RALYL: variants seen among roughly 807,000 people sequenced by gnomAD.
RALYL encodes the protein RNA-binding Raly-like protein.
In RALYL, 29 loss-of-function variants were observed where a neutral mutation model predicts 35.1. The observed-to-expected ratio is 0.83, with a 90% CI of 0.61 to 1.13. The LOEUF (loss-of-function observed/expected upper bound fraction) is 1.13. Ranked by LOEUF, RALYL falls within the 50% of genes most tolerant of loss-of-function variation. The pLI is 0.00. For synonymous variants in RALYL, 120 were observed against 127.6 expected, an observed-to-expected ratio of 0.94 and a Z score of 0.40; for missense variants, 359 against 360.4, an observed-to-expected ratio of 1.00 and a Z score of 0.03.
At chr8:84,526,602 G>A (rs750316026) in intron 1 of RALYL, among the ~76,000 whole-genome samples, 4 of 152,292 alleles carry the variant, frequency 2.6e-5, no homozygotes, top group Admixed American at 1.3e-4. Flanking sequence ...AATCAGCATA[G>A]GTTCAAAGGA....
At chr8:84,541,293 A>G (rs994617855) in intron 2 of RALYL, among the ~76,000 whole-genome samples, 1 of 151,984 alleles carries the variant, frequency 6.6e-6, no homozygotes, top group Non-Finnish European at 1.5e-5. Flanking sequence ...CTAGTATGTC[A>G]TATTTTCAGA....
At chr8:84,769,427 C>T (rs1458556502) in intron 2 of RALYL, among the ~76,000 whole-genome samples, 1 of 152,108 alleles carries the variant, frequency 6.6e-6, no homozygotes, top group East Asian at 1.9e-4. Flanking sequence ...CTTAAATATA[C>T]CAGCTCACAA....
chr8:84,266,172 C>T (rs183205438), intron 1 of RALYL, among the ~76,000 whole-genome samples: 31 of 152,188 alleles, frequency 2.0e-4, no homozygotes, highest in African/African-American at 6.7e-4. Context: ...CAACTTGGCT[C>T]CTTCAGAATT....
chr8:84,579,270 T>C (rs1394462551), intron 2 of RALYL, among the ~76,000 whole-genome samples: 2 of 152,058 alleles, frequency 1.3e-5, no homozygotes, highest in Non-Finnish European at 2.9e-5. Context: ...ACAACTTTGC[T>C]CCGCCCACTC....
chr8:84,280,139 G>T (rs1038532677), intron 1 of RALYL, among the ~76,000 whole-genome samples: 5 of 152,130 alleles, frequency 3.3e-5, no homozygotes, highest in African/African-American at 1.2e-4. Context: ...CAGTACCTAT[G>T]AGATGATACA....
intron 2 of RALYL, among the ~76,000 whole-genome samples, chr8:84,546,570 G>A (rs2060374182): frequency 6.6e-6 from 1 of 152,166 alleles, no homozygotes. Flanking sequence ...AATAATAAAT[G>A]CCACTTGGCT....
chr8:84,767,511 T>C (rs1814400386), intron 2 of RALYL, among the ~76,000 whole-genome samples: 2 of 152,180 alleles, frequency 1.3e-5, no homozygotes, highest in African/African-American at 4.8e-5. Context: ...CATGCTAACT[T>C]GAAATATTGA....
At chr8:84,389,875 A>G (rs1286695081) in intron 1 of RALYL, among the ~76,000 whole-genome samples, 1 of 151,306 alleles carries the variant, frequency 6.6e-6, no homozygotes, top group Non-Finnish European at 1.5e-5. Flanking sequence ...AACTTCCAAC[A>G]GTATGTTGAA....
intron 1 of RALYL, among the ~76,000 whole-genome samples, chr8:84,422,449 A>C (rs1391626293): frequency 1.7e-5 from 2 of 116,684 alleles, no homozygotes; most frequent in Non-Finnish European, 3.5e-5. Context: ...TTTTTTCTTT[A>C]TTAGTCTTGC....
At chr8:84,369,288 A>G (rs995595937) in intron 1 of RALYL, among the ~76,000 whole-genome samples, 5 of 151,718 alleles carry the variant, frequency 3.3e-5, no homozygotes, top group African/African-American at 7.3e-5. Flanking sequence ...TAACAATTAC[A>G]GTGGAAAAAA....
chr8:84,188,694 T>G (rs1488956754), intron 1 of RALYL, among the ~76,000 whole-genome samples: 1 of 152,150 alleles, frequency 6.6e-6, no homozygotes, highest in African/African-American at 2.4e-5. Flanking sequence ...ATAATTATAC[T>G]TGTCATCACC....
chr8:84,863,327 G>A (rs1390149755), intron 6 of RALYL, among the ~76,000 whole-genome samples: 1 of 152,176 alleles, frequency 6.6e-6, no homozygotes. Flanking sequence ...AAAATGGTCA[G>A]TGCAGAGACC....
intron 1 of RALYL, among the ~76,000 whole-genome samples, chr8:84,289,292 T>C (rs2132197935): frequency 6.6e-6 from 1 of 152,082 alleles, no homozygotes; most frequent in African/African-American, 2.4e-5. Flanking sequence ...AATATTTACA[T>C]AAGGGCATAG....
Position 84,871,633 on chromosome 8 carries a change from A to G in RALYL, c.572-1651A>G, listed in dbSNP as rs181435941. Among the ~76,000 whole-genome samples, 314 of 152,286 alleles carry G rather than the reference A, an allele frequency of 2.1e-3. 2 individuals are homozygous for G. The highest frequency in any genetic ancestry group is 7.5e-3 in the Admixed American group (115 of 15,294). On this transcript the variant is annotated intron_variant, in intron 6 of 8. Transcript: ENST00000521268. ...CTTTGATGTCTTTGAAGTAATTGAC[A>G]TGAGGAGTGATTCTCTATTTTACCC...
Position 84,723,059 on chromosome 8 carries a change from A to C in RALYL, c.257-51520A>C, listed in dbSNP as rs572778293. Among the ~76,000 whole-genome samples, 9 of 152,058 alleles carry C rather than the reference A, an allele frequency of 5.9e-5. No homozygotes were observed. In the East Asian group the frequency reaches 1.7e-3, roughly 29 times the overall value. ...ATTATATCCTTGCATGCATAAGTAA[A>C]ATTTTAGATAATTTAAAGGACATTG... On this transcript the variant is annotated intron_variant, in intron 2 of 8. Coordinates refer to ENST00000521268, the MANE Select transcript of RALYL (RefSeq NM_173848.7).
rs192223106 is a variant in RALYL, at chr8:84,627,985, T to C, written c.256+98408T>C. Among the ~76,000 whole-genome samples, 23 of 152,230 alleles carry C rather than the reference T, an allele frequency of 1.5e-4. No homozygotes were observed. The East Asian group carries it at 3.5e-3, about 23-fold the overall frequency. Reference sequence around the variant, plus strand: ...TATTAGACTCCTGATTGCTGTTTCGTCTTTCTCTTTTGCCGTCTTTCAATC... The same window carrying C: ...TATTAGACTCCTGATTGCTGTTTCGCCTTTCTCTTTTGCCGTCTTTCAATC... On this transcript the variant is annotated intron_variant, in intron 2 of 8. Coordinates refer to ENST00000521268, the MANE Select transcript of RALYL (RefSeq NM_173848.7).
At chr8:84,864,630 GTGGT>G in intron 6 of RALYL, 1 of 302,244 alleles carries the variant, frequency 3.3e-6, no homozygotes. Flanking sequence ...GAATAGTCAT[GTGGT>G]TTCCAGCATC....
At chr8:84,823,658 T>A (rs542744115) in intron 4 of RALYL, among the ~76,000 whole-genome samples, 10 of 152,172 alleles carry the variant, frequency 6.6e-5, no homozygotes, top group Middle Eastern at 3.4e-3. Flanking sequence ...TCTTACTTTC[T>A]CTCTCTCCTC....
intron 2 of RALYL, among the ~76,000 whole-genome samples, chr8:84,626,038 GAAA>G (rs1254768517): frequency 6.6e-6 from 1 of 150,784 alleles, no homozygotes; most frequent in Admixed American, 6.6e-5. Flanking sequence ...AGTTAGCAAA[GAAA>G]AAAAAGGCTG....
Sources: allele counts gnomAD v4.1 joint callset (sites outside exome capture counted in the v4.1 genomes callset), GRCh38; gene constraint gnomAD v4.1.1; transcripts MANE v1.5; gene names NCBI Gene and HGNC (gene_info 2026-07-23, HGNC 2026-07-21).